Variants in NEBL observed in about 807,000 individuals in gnomAD.
NEBL encodes LIM and SH3 protein 2.
In NEBL, 122 loss-of-function variants were observed where a neutral mutation model predicts 140.2. That is an observed-to-expected ratio of 0.87 (90% confidence interval 0.75 to 1.01). NEBL has a LOEUF of 1.01. NEBL is among the 50% of genes least tolerant of loss of function. The pLI, the probability that NEBL is intolerant of heterozygous loss-of-function variation, is 0.00. For synonymous variants in NEBL, 436 were observed against 398.9 expected (o/e 1.09, Z -1.11); for missense variants, 1,365 against 1,231.3 (o/e 1.11, Z -1.62).
chr10:20,921,512 C>A (rs1391070746), intron 4 of NEBL, among the ~76,000 whole-genome samples: 1 of 152,144 alleles, frequency 6.6e-6, no homozygotes, highest in Non-Finnish European at 1.5e-5. Context: ...ATAGCCTCAT[C>A]CTCACAACTA....
intron 3 of NEBL, among the ~76,000 whole-genome samples, chr10:21,182,796 A>AT (rs1350206977): frequency 1.2e-4 from 18 of 152,264 alleles, no homozygotes; most frequent in Admixed American, 1.2e-3. Context: ...AATATATTTT[A>AT]TTTAACCCAA....
chr10:20,789,474 A>T (rs1835730734), intron 26 of NEBL, among the ~76,000 whole-genome samples: 1 of 152,238 alleles, frequency 6.6e-6, no homozygotes, highest in Non-Finnish European at 1.5e-5. Flanking sequence ...TAGTTTATAC[A>T]TCACAGTCCC....
Position 20,837,610 on chromosome 10 carries a change from C to T in NEBL, c.1339-1987G>A, listed in dbSNP as rs1219824955. 3.3e-5 allele frequency among the ~76,000 whole-genome samples: 5 copies of T among 152,194 alleles called. No homozygotes were observed. The South Asian group carries it at 6.2e-4, about 19-fold the overall frequency. On this transcript the variant is annotated intron_variant, in intron 13 of 27. Transcript: ENST00000377122. The stretch of plus-strand genomic sequence containing the variant: ...CTAAGATAATTAATGAAGGTAGCTA[C>T]ACTAAACAACAGATTTTTGATGCAG...
intron 5 of NEBL, among the ~76,000 whole-genome samples, chr10:20,880,488 G>A (rs1362731982): frequency 6.6e-6 from 1 of 152,212 alleles, no homozygotes; most frequent in African/African-American, 2.4e-5. Flanking sequence ...TAGAAGCCAT[G>A]AGCTTCAGCA....
chr10:21,121,460 C>A (rs1838569324), intron 2 of NEBL, among the ~76,000 whole-genome samples: 1 of 152,094 alleles, frequency 6.6e-6, no homozygotes, highest in Non-Finnish European at 1.5e-5. Flanking sequence ...ACCCTGCCAC[C>A]CTTGGACATC....
At chr10:20,865,117 G>C (rs958901383) in intron 7 of NEBL, among the ~76,000 whole-genome samples, 1 of 152,060 alleles carries the variant, frequency 6.6e-6, no homozygotes, top group Non-Finnish European at 1.5e-5. Context: ...TTCTTCTAAG[G>C]GCTCTCAAAT....
intron 2 of NEBL, among the ~76,000 whole-genome samples, chr10:21,250,328 C>G (rs1402064132): frequency 6.6e-6 from 1 of 152,170 alleles, no homozygotes; most frequent in Non-Finnish European, 1.5e-5. Context: ...AGCCTCCCAG[C>G]CTACATCTTT....
At chr10:21,204,641 T>C (rs1182800166) in intron 3 of NEBL, among the ~76,000 whole-genome samples, 2 of 152,144 alleles carry the variant, frequency 1.3e-5, no homozygotes, top group Non-Finnish European at 2.9e-5. Context: ...TGGGATTCTG[T>C]TAAGGAAGCC....
intron 4 of NEBL, among the ~76,000 whole-genome samples, chr10:20,921,481 T>C (rs1387808112): frequency 6.6e-6 from 1 of 152,166 alleles, no homozygotes; most frequent in Non-Finnish European, 1.5e-5. Context: ...CCCTCCCTTC[T>C]CTGGAGTTCT....
intron 24 of NEBL, among the ~76,000 whole-genome samples, chr10:20,810,817 C>T (rs760180040): frequency 6.6e-6 from 1 of 152,194 alleles, no homozygotes; most frequent in Non-Finnish European, 1.5e-5. Context: ...ATTTGCTTGT[C>T]TGTTTTTAAT....
chr10:21,147,453 C>T lies in NEBL; in HGVS notation c.164+24930G>A, dbSNP rs182600577. ...CAAAGGAGGAGCCTCCCTTCACTGGCTTTCCCTTCTCACTTCCCACTCAGT... is the reference window on the plus strand; with the variant it reads ...CAAAGGAGGAGCCTCCCTTCACTGGTTTTCCCTTCTCACTTCCCACTCAGT... On this transcript the variant is annotated intron_variant, in intron 2 of 6. Coordinates refer to the NEBL transcript ENST00000417816. Among the ~76,000 whole-genome samples, 9 of 148,660 alleles carry T rather than the reference C, an allele frequency of 6.1e-5. No individual in the cohort carries two copies. The East Asian group carries it at 1.6e-3, about 26-fold the overall frequency.
At chr10:21,147,294 C>T (rs144364627) in intron 2 of NEBL, among the ~76,000 whole-genome samples, 1,725 of 152,186 alleles carry the variant, frequency 0.011, 18 homozygotes, top group Non-Finnish European at 0.016. Flanking sequence ...AACTAGGAAC[C>T]TTCGCCCAGT....
At chr10:20,828,384 CTTA>C in intron 17 of NEBL, 143 bp downstream of exon 17, 1 of 576,464 alleles carries the variant, frequency 1.7e-6, no homozygotes, top group Non-Finnish European at 3.1e-6. Flanking sequence ...TATCAGTATT[CTTA>C]TTATTTTAAA....
chr10:20,951,799 T>C (rs1367724019), intron 4 of NEBL, among the ~76,000 whole-genome samples: 2 of 152,236 alleles, frequency 1.3e-5, no homozygotes, highest in Admixed American at 6.5e-5. Flanking sequence ...TTCTACTCAC[T>C]GTGGCTATGT....
intron 13 of NEBL, 70 bp from the exon 14 acceptor site, chr10:20,835,693 T>TA (rs888482931): frequency 2.5e-3 from 2,305 of 925,608 alleles, no homozygotes; most frequent in Non-Finnish European, 3.2e-3. Flanking sequence ...TCAATGATAC[T>TA]AAAAAAAAAA....
chr10:20,893,116 G>A (rs891376923), intron 2 of NEBL, among the ~76,000 whole-genome samples: 1 of 152,218 alleles, frequency 6.6e-6, no homozygotes, highest in African/African-American at 2.4e-5. Flanking sequence ...TAAACACTGA[G>A]AGGCTGCATG....
intron 2 of NEBL, among the ~76,000 whole-genome samples, chr10:21,064,546 T>C (rs1356414069): frequency 6.6e-6 from 1 of 152,242 alleles, no homozygotes; most frequent in African/African-American, 2.4e-5. Context: ...TTATTAACCA[T>C]TTAAAAGCAA....
At chr10:20,808,787 G>A in intron 25 of NEBL, 128 bp from the exon 26 acceptor site, 1 of 1,021,230 alleles carries the variant, frequency 9.8e-7, no homozygotes, top group Non-Finnish European at 1.5e-6. Flanking sequence ...CAAAATCTCA[G>A]CGCTAGGCAC....
chr10:21,192,273 G>A (rs1008202483), intron 3 of NEBL, among the ~76,000 whole-genome samples: 1 of 151,064 alleles, frequency 6.6e-6, no homozygotes, highest in Admixed American at 6.6e-5. Flanking sequence ...CTTACTGCAA[G>A]TTCTGCCTCC....
Sources: allele counts gnomAD v4.1 joint callset (sites outside exome capture counted in the v4.1 genomes callset), GRCh38; gene constraint gnomAD v4.1.1; transcripts MANE v1.5; gene names NCBI Gene and HGNC (gene_info 2026-07-23, HGNC 2026-07-21).